P3H2: variants seen among roughly 807,000 people sequenced by gnomAD.
The protein encoded by P3H2 is leprecan-like 1.
P3H2 carries 80 observed loss-of-function variants against 87.0 expected under a neutral mutation model. That is an observed-to-expected ratio of 0.92 (90% CI 0.77 to 1.11). P3H2 has a LOEUF of 1.11. Ranked by LOEUF, P3H2 falls within the 50% of genes least tolerant of loss-of-function variation. P3H2 has a pLI of 0.00. For missense variants in P3H2, 1,001 were observed against 923.9 expected, an observed-to-expected ratio of 1.08 and a Z score of -1.08; for synonymous variants, 367 against 359.3, an observed-to-expected ratio of 1.02 and a Z score of -0.24.
intron 8 of P3H2, among the ~76,000 whole-genome samples, chr3:189,981,838 C>T (rs1192754559): frequency 1.3e-5 from 2 of 152,210 alleles, no homozygotes; most frequent in Non-Finnish European, 2.9e-5. Flanking sequence ...GACCATGAAG[C>T]TCTCTGGCAT....
At chr3:190,086,998 CA>C (rs1343833891) in intron 1 of P3H2, among the ~76,000 whole-genome samples, 7 of 152,150 alleles carry the variant, frequency 4.6e-5, no homozygotes, top group Admixed American at 1.3e-4. Flanking sequence ...CTTATTTACA[CA>C]TAAGAGCAGT....
chr3:190,067,199 G>T (rs1289061280), intron 1 of P3H2, among the ~76,000 whole-genome samples: 1 of 151,764 alleles, frequency 6.6e-6, no homozygotes, highest in Non-Finnish European at 1.5e-5. Flanking sequence ...TCTACTATCA[G>T]ATTCATACCT....
intron 1 of P3H2, among the ~76,000 whole-genome samples, chr3:190,025,780 C>G (rs1017594190): frequency 1.3e-5 from 2 of 152,100 alleles, no homozygotes; most frequent in Admixed American, 6.5e-5. Flanking sequence ...AAACCTCAGT[C>G]GGGAATCTTA....
In P3H2 at chr3:190,120,696, C is replaced by T; in HGVS notation, c.36G>A (p.Leu12=). ...GCGGCGGCAGTAGCAGCGGCAGCAG[C>T]AGCAGCAGCGGCGGCGCCCAGATGC... ...RERIWAPPLL[L]LLPLLLPPPL... The change falls in exon 1 of 15, where the codon CTG becomes CTA. Residue 12 remains leucine, a synonymous_variant. Transcript: ENST00000319332. The T allele has an allele frequency of 6.6e-7, 1 of 1,521,208 alleles. No individual in the cohort carries two copies. The highest frequency in any genetic ancestry group is 8.8e-7 in the Non-Finnish European group (1 of 1,141,488). 94.2% of individuals were successfully genotyped at this position (1,521,208 alleles called of 1,614,324 possible).
chr3:190,025,872 AT>A (rs1475754316), intron 1 of P3H2, among the ~76,000 whole-genome samples: 5 of 152,036 alleles, frequency 3.3e-5, no homozygotes, highest in African/African-American at 1.2e-4. Flanking sequence ...CCAAAAAAAA[AT>A]TTTTTTTGAA....
intron 1 of P3H2, among the ~76,000 whole-genome samples, chr3:190,041,456 G>A (rs1235331882): frequency 2.0e-5 from 3 of 152,046 alleles, no homozygotes; most frequent in African/African-American, 7.2e-5. Flanking sequence ...AGTCCAATAA[G>A]GGGAAATCCC....
intron 1 of P3H2, among the ~76,000 whole-genome samples, chr3:190,105,113 T>C (rs1245797148): frequency 1.3e-5 from 2 of 152,184 alleles, no homozygotes; most frequent in Non-Finnish European, 2.9e-5. Context: ...GATTGGAAAA[T>C]ATTTTAAATC....
chr3:189,996,416 C>T (rs1724053702), intron 1 of P3H2, among the ~76,000 whole-genome samples: 1 of 152,098 alleles, frequency 6.6e-6, no homozygotes, highest in African/African-American at 2.4e-5. Flanking sequence ...CAGTTGATCT[C>T]ATAGAAGTAG....
At chr3:189,986,739 G>C in intron 6 of P3H2, 49 bp downstream of exon 6, 1 of 1,301,696 alleles carries the variant, frequency 7.7e-7, no homozygotes, top group Non-Finnish European at 1.1e-6. Flanking sequence ...AACATAAAAA[G>C]GATTCCACTG....
At chr3:190,035,140 C>T (rs1381151305) in intron 1 of P3H2, among the ~76,000 whole-genome samples, 3 of 151,910 alleles carry the variant, frequency 2.0e-5, no homozygotes, top group African/African-American at 4.8e-5. Flanking sequence ...TAAGCCACCG[C>T]ATCTGCCCCC....
intron 1 of P3H2, among the ~76,000 whole-genome samples, chr3:190,040,098 T>C (rs1725561156): frequency 6.6e-6 from 1 of 152,196 alleles, no homozygotes; most frequent in Admixed American, 6.5e-5. Flanking sequence ...TAATTCAAGA[T>C]GCGTATCTTC....
At chr3:190,106,793 T>A (rs1711855611) in intron 1 of P3H2, among the ~76,000 whole-genome samples, 1 of 152,206 alleles carries the variant, frequency 6.6e-6, no homozygotes, top group Non-Finnish European at 1.5e-5. Flanking sequence ...ACTAGCAGTA[T>A]AATCTCAGAC....
At chr3:189,959,389 A>G (rs1333439704) in intron 14 of P3H2, among the ~76,000 whole-genome samples, 8 of 139,072 alleles carry the variant, frequency 5.8e-5, no homozygotes, top group East Asian at 4.6e-4. Flanking sequence ...ATATCTCCCA[A>G]TGCTATCCCT....
At chr3:190,000,085 A>G (rs1437275364) in intron 1 of P3H2, among the ~76,000 whole-genome samples, 5 of 152,228 alleles carry the variant, frequency 3.3e-5, no homozygotes, top group Non-Finnish European at 5.9e-5. Flanking sequence ...TGACTATTCA[A>G]AAATCTCCAG....
At chr3:190,051,027 C>T (rs1725965162) in intron 1 of P3H2, among the ~76,000 whole-genome samples, 1 of 152,140 alleles carries the variant, frequency 6.6e-6, no homozygotes, top group Non-Finnish European at 1.5e-5. Context: ...TCCTAATCTG[C>T]GAACTGAAGC....
At chr3:189,984,027 G>A (rs1198170588) in intron 7 of P3H2, among the ~76,000 whole-genome samples, 2 of 151,986 alleles carry the variant, frequency 1.3e-5, no homozygotes, top group East Asian at 1.9e-4. Context: ...GTATACATAT[G>A]TAACAAACCT....
rs188313438 is a variant in P3H2, at chr3:190,068,400, A to C, written c.480+51852T>G. On this transcript the variant is annotated intron_variant, in intron 1 of 14. Coordinates refer to ENST00000319332, the MANE Select transcript of P3H2 (RefSeq NM_018192.4). ...TCGACAGCCACTCTATAAGTGGCCA[A>C]GCGGTCTGGTCACATGAGGGTGGAC... is the stretch of plus-strand genomic sequence containing the variant. Among the ~76,000 whole-genome samples, 42 of 152,326 alleles carry C rather than the reference A, an allele frequency of 2.8e-4. No individual in the cohort carries two copies. In the East Asian group the frequency reaches 7.7e-3, roughly 28 times the overall value.
chr3:189,966,165 A>T (rs970018494), intron 13 of P3H2, among the ~76,000 whole-genome samples: 2 of 147,856 alleles, frequency 1.4e-5, no homozygotes, highest in Non-Finnish European at 3.0e-5. Flanking sequence ...GAAAGAAAGA[A>T]AGAAAGAAAG....
At chr3:190,051,097 T>C (rs982586298) in intron 1 of P3H2, among the ~76,000 whole-genome samples, 1 of 152,194 alleles carries the variant, frequency 6.6e-6, no homozygotes, top group Admixed American at 6.5e-5. Flanking sequence ...CATCAATAAC[T>C]GTATCATCAT....
Sources: allele counts gnomAD v4.1 joint callset (sites outside exome capture counted in the v4.1 genomes callset), GRCh38; gene constraint gnomAD v4.1.1; transcripts MANE v1.5; gene names NCBI Gene and HGNC (gene_info 2026-07-23, HGNC 2026-07-21).